The following MMS22L variants were observed in gnomAD, a reference collection of about 807,000 sequenced individuals.
MMS22L encodes the protein MMS22 like, DNA repair protein.
In MMS22L, 74 loss-of-function variants were observed where a neutral mutation model predicts 159.1. The ratio of observed to expected loss-of-function variants is 0.47; its 90% CI spans 0.39 to 0.56. The LOEUF (loss-of-function observed/expected upper bound fraction) is 0.56, where lower values mean the gene tolerates loss of function less well. Among genes scored for constraint, MMS22L ranks in the 20% least tolerant of loss-of-function variants. MMS22L has a pLI of 0.00. For missense variants in MMS22L, 1,351 were observed against 1,422.1 expected (o/e 0.95, Z 0.80); for synonymous variants, 517 against 506.9 (o/e 1.02, Z -0.27).
intron 22 of MMS22L, among the ~76,000 whole-genome samples, chr6:97,156,534 A>G (rs571084202): frequency 6.6e-6 from 1 of 152,286 alleles, no homozygotes; most frequent in South Asian, 2.1e-4. Flanking sequence ...TTTTCTGAAT[A>G]TGGCTAGCCA....
intron 14 of MMS22L, among the ~76,000 whole-genome samples, chr6:97,204,937 C>CTT (rs1222516541): frequency 0.021 from 1,080 of 52,416 alleles, 22 homozygotes; most frequent in African/African-American, 0.031. Context: ...TGTACAGTGT[C>CTT]TTTTTTTTTT....
At chr6:97,247,029 G>T (rs376061230) in intron 10 of MMS22L, among the ~76,000 whole-genome samples, 25 of 144,392 alleles carry the variant, frequency 1.7e-4, no homozygotes, top group East Asian at 1.0e-3. Flanking sequence ...TTTGGTGTTT[G>T]TTTTTTTTTT....
intron 14 of MMS22L, among the ~76,000 whole-genome samples, chr6:97,224,669 T>C (rs1048954150): frequency 4.0e-5 from 6 of 151,320 alleles, no homozygotes; most frequent in Non-Finnish European, 8.8e-5. Context: ...CTCAGAATTA[T>C]ACAAATAGTG....
chr6:97,169,719 A>G (rs770763274), intron 19 of MMS22L, among the ~76,000 whole-genome samples: 4 of 152,198 alleles, frequency 2.6e-5, no homozygotes, highest in African/African-American at 7.2e-5. Context: ...GAATTTCAGT[A>G]TGACAGCAAT....
At chr6:97,222,974 A>T (rs1809811997) in intron 14 of MMS22L, among the ~76,000 whole-genome samples, 1 of 152,160 alleles carries the variant, frequency 6.6e-6, no homozygotes, top group African/African-American at 2.4e-5. Flanking sequence ...GGTAATGTGA[A>T]ATGTTAAAGA....
intron 14 of MMS22L, among the ~76,000 whole-genome samples, chr6:97,226,288 C>A (rs1562479727): frequency 1.3e-5 from 2 of 152,072 alleles, no homozygotes; most frequent in Non-Finnish European, 1.5e-5. Flanking sequence ...AAACAAAGAT[C>A]ATCTATTTTG....
chr6:97,164,836 C>G (rs1403803184), intron 21 of MMS22L, among the ~76,000 whole-genome samples: 2 of 152,110 alleles, frequency 1.3e-5, no homozygotes, highest in East Asian at 3.9e-4. Context: ...CCAGGCTGGT[C>G]TCGAACTCCT....
intron 24 of MMS22L, among the ~76,000 whole-genome samples, chr6:97,149,041 T>C (rs1318825215): frequency 6.6e-6 from 1 of 152,240 alleles, no homozygotes; most frequent in African/African-American, 2.4e-5. Flanking sequence ...TAACATGTTA[T>C]ACAAGTTTGT....
Position 97,144,257 on chromosome 6 carries a change from T to G in MMS22L, c.*2549A>C, listed in dbSNP as rs935594797. On this transcript the variant is annotated 3_prime_UTR_variant, in exon 25 of 25. Transcript: ENST00000683635. ...AGGTGCTCTCAAGATACAGTGGTCA[T>G]TTTTGGTCTGGGGACTGGTTCCAGG... is the stretch of plus-strand genomic sequence containing the variant. The G allele has an allele frequency of 3.9e-5, 6 of 152,198 alleles. No homozygotes were observed. The highest frequency in any genetic ancestry group is 3.9e-4 in the Admixed American group (6 of 15,280). The allele number at this position is 152,198 out of a possible 1,614,324, so 9.4% of individuals were successfully genotyped here. A position where few individuals can be genotyped will look rare whatever the true frequency, so the allele number is the denominator to read the frequency against.
At chr6:97,279,150 A>G (rs2128101827) in intron 3 of MMS22L, among the ~76,000 whole-genome samples, 1 of 152,324 alleles carries the variant, frequency 6.6e-6, no homozygotes, top group Admixed American at 6.5e-5. Flanking sequence ...AATTATTTCA[A>G]ATACCATAGC....
chr6:97,217,969 A>T (rs1363774642), intron 14 of MMS22L, among the ~76,000 whole-genome samples: 3 of 152,140 alleles, frequency 2.0e-5, no homozygotes, highest in Non-Finnish European at 4.4e-5. Flanking sequence ...TTGTAGATTC[A>T]AAGTGTTCCT....
chr6:97,190,191 C>A (rs1266126282), intron 14 of MMS22L, among the ~76,000 whole-genome samples: 1 of 152,062 alleles, frequency 6.6e-6, no homozygotes, highest in Admixed American at 6.6e-5. Flanking sequence ...TAAAAGAAAA[C>A]ACAAAACATA....
At chr6:97,183,821 C>T in intron 15 of MMS22L, among the ~76,000 whole-genome samples, 1 of 152,082 alleles carries the variant, frequency 6.6e-6, no homozygotes, top group Admixed American at 6.6e-5. Flanking sequence ...TTGTTTGTAC[C>T]ATGCAATTTT....
intron 9 of MMS22L, among the ~76,000 whole-genome samples, chr6:97,263,109 G>A (rs954883500): frequency 5.3e-5 from 8 of 151,972 alleles, no homozygotes; most frequent in Non-Finnish European, 1.0e-4. Context: ...AAAAAGTAAG[G>A]GTTGAACCTT....
chr6:97,277,097 C>T (rs1020402170), intron 4 of MMS22L, among the ~76,000 whole-genome samples: 1 of 152,176 alleles, frequency 6.6e-6, no homozygotes, highest in Non-Finnish European at 1.5e-5. Context: ...GTATCCCCTA[C>T]TGAAAATAAA....
chr6:97,250,851 C>G (rs1006626589), intron 10 of MMS22L, among the ~76,000 whole-genome samples: 11 of 152,276 alleles, frequency 7.2e-5, no homozygotes, highest in African/African-American at 2.6e-4. Flanking sequence ...GAACACATGA[C>G]TAGCCATTAT....
At chr6:97,232,127 T>C (rs763759269) in intron 12 of MMS22L, among the ~76,000 whole-genome samples, 1 of 152,166 alleles carries the variant, frequency 6.6e-6, no homozygotes, top group Non-Finnish European at 1.5e-5. Flanking sequence ...ATCAGATTTA[T>C]GTTGACTTTT....
At chr6:97,241,642 G>A (rs759709989) in intron 11 of MMS22L, among the ~76,000 whole-genome samples, 2 of 151,984 alleles carry the variant, frequency 1.3e-5, no homozygotes, top group African/African-American at 2.4e-5. Context: ...ACTTATGGAT[G>A]GGATTTGGGT....
chr6:97,159,948 G>GTTTTTTTTTTTTTTTTTTTTTTTTTTT (rs368455553), intron 22 of MMS22L, among the ~76,000 whole-genome samples: 1 of 97,180 alleles, frequency 1.0e-5, no homozygotes, highest in Non-Finnish European at 1.9e-5. Context: ...TATCATTTCT[G>GTTTTTTTTTTTTTTTTTTTTTTTTTTT]TTTTTTTTTT....
Sources: allele counts gnomAD v4.1 joint callset (sites outside exome capture counted in the v4.1 genomes callset), GRCh38; gene constraint gnomAD v4.1.1; transcripts MANE v1.5; gene names NCBI Gene and HGNC (gene_info 2026-07-23, HGNC 2026-07-21).